PANK1: variants seen among roughly 807,000 people sequenced by gnomAD.
The protein encoded by PANK1 is pantothenate kinase 1.
Under a neutral mutation model 40.1 loss-of-function variants are expected in PANK1, and 18 were observed. That is an observed-to-expected ratio of 0.45 (90% CI 0.31 to 0.67). The LOEUF is 0.67. Ranked by LOEUF, PANK1 falls within the 30% of genes least tolerant of loss-of-function variation. PANK1 has a pLI of 0.06. For missense variants in PANK1, 457 were observed against 599.6 expected (o/e 0.76, Z 2.48); for synonymous variants, 242 against 237.7 (o/e 1.02, Z -0.17).
intron 1 of PANK1, among the ~76,000 whole-genome samples, chr10:89,618,972 A>AT (rs1475432370): frequency 6.6e-6 from 1 of 152,240 alleles, no homozygotes; most frequent in African/African-American, 2.4e-5. Context: ...GCCTATGCTG[A>AT]CTAATATACC....
chr10:89,610,475 A>C (rs1457787524), intron 2 of PANK1, among the ~76,000 whole-genome samples: 4 of 150,186 alleles, frequency 2.7e-5, no homozygotes, highest in Admixed American at 6.6e-5. Flanking sequence ...AAAAAAAAAA[A>C]CAAAAACTGA....
In PANK1 at chr10:89,631,971, TGTG is replaced by T. The variant is rs1442260440; in HGVS notation, c.292+12626_292+12628del. ...AAATAACAGATTGTGTGTGTGTGTG[TGTG>T]TGTTTTTTTTTTTAAAAAGGGTTCT... On this transcript the variant is annotated intron_variant, in intron 1 of 6. Coordinates refer to ENST00000307534, the MANE Select transcript of PANK1 (RefSeq NM_148977.3). 1.2e-3 allele frequency among the ~76,000 whole-genome samples: 96 copies of T among 82,828 alleles called. 1 individual carries two copies. Among genetic ancestry groups the T allele is most frequent in the Middle Eastern group, 4.4e-3 (1 of 226 alleles). The allele number at this position is 82,828 out of a possible 152,430, so 54.3% of individuals were successfully genotyped here.
intron 1 of PANK1, among the ~76,000 whole-genome samples, chr10:89,635,915 G>A (rs776507632): frequency 1.3e-4 from 20 of 152,226 alleles, no homozygotes; most frequent in Non-Finnish European, 2.6e-4. Context: ...TAAGGCTCCA[G>A]AGTAATCTTC....
At chr10:89,633,407 G>C (rs1037564316) in intron 1 of PANK1, among the ~76,000 whole-genome samples, 1 of 152,018 alleles carries the variant, frequency 6.6e-6, no homozygotes, top group Non-Finnish European at 1.5e-5. Flanking sequence ...CTTTCTCAAA[G>C]TAAAAACCTT....
chr10:89,627,168 A>G (rs1845682193), intron 1 of PANK1, among the ~76,000 whole-genome samples: 1 of 151,934 alleles, frequency 6.6e-6, no homozygotes, highest in Non-Finnish European at 1.5e-5. Context: ...GACCAACTAC[A>G]GTCACTCCTT....
Position 89,644,955 on chromosome 10 carries a change from C to T in PANK1, c.-64G>A, listed in dbSNP as rs1412983522. ...GGCGGCCTCGCTGGAGGTCATTCTCCGGCGTCTTTATTTCCCCGGATCCTC... is the reference window on the plus strand; with the variant it reads ...GGCGGCCTCGCTGGAGGTCATTCTCTGGCGTCTTTATTTCCCCGGATCCTC... On this transcript the variant is annotated 5_prime_UTR_variant, in exon 1 of 7. Transcript: ENST00000307534. 5 of 1,572,108 alleles carry T rather than the reference C, an allele frequency of 3.2e-6. No individual in the cohort carries two copies. Among genetic ancestry groups the T allele is most frequent in the African/African-American group, 2.8e-5 (2 of 71,064 alleles).
chr10:89,623,197 T>G (rs903335996), intron 1 of PANK1, among the ~76,000 whole-genome samples: 1 of 152,144 alleles, frequency 6.6e-6, no homozygotes, highest in Non-Finnish European at 1.5e-5. Flanking sequence ...CTGGCTTTTC[T>G]GACACTTTTC....
At chr10:89,582,103 A>T (rs534213852), downstream of PANK1, 1 of 152,342 alleles carries the variant, frequency 6.6e-6, no homozygotes, top group East Asian at 1.9e-4. Context: ...ATGTATGTAA[A>T]ACAATTATTT....
Position 89,644,899 on chromosome 10 carries a change from G to A in PANK1, c.-8C>T, listed in dbSNP as rs768951025. On this transcript the variant is annotated 5_prime_UTR_variant, in exon 1 of 7. Coordinates refer to ENST00000307534, the MANE Select transcript of PANK1 (RefSeq NM_148977.3). ...CCCGCTGCGGTCGCCCATGCCGGGG[G>A]CTGGCGGGGCTGTGCGCGGGCCCCG... The A allele has an allele frequency of 2.4e-4, 369 of 1,520,722 alleles. No individual in the cohort carries two copies. Among genetic ancestry groups the A allele is most frequent in the Middle Eastern group, 6.4e-4 (3 of 4,724 alleles). 94.2% of individuals were successfully genotyped at this position (1,520,722 alleles called of 1,614,324 possible).
At chr10:89,631,978 T>TGTG (rs1841665193) in intron 1 of PANK1, among the ~76,000 whole-genome samples, 1 of 116,628 alleles carries the variant, frequency 8.6e-6, no homozygotes, top group African/African-American at 2.8e-5. Context: ...GTGTGTGTGT[T>TGTG]TTTTTTTTTA....
At chr10:89,606,861 C>G (rs1048538923) in intron 2 of PANK1, among the ~76,000 whole-genome samples, 1 of 152,216 alleles carries the variant, frequency 6.6e-6, no homozygotes, top group Non-Finnish European at 1.5e-5. Flanking sequence ...CCTCCCCTCT[C>G]TCAGACTCTA....
intron 2 of PANK1, among the ~76,000 whole-genome samples, chr10:89,610,476 C>T (rs995244098): frequency 6.8e-6 from 1 of 147,502 alleles, no homozygotes; most frequent in Admixed American, 6.8e-5. Flanking sequence ...AAAAAAAAAA[C>T]AAAAACTGAA....
rs777142272 is a variant in PANK1, at chr10:89,594,005, G to A, written c.900-16C>T. The A allele has an allele frequency of 4.4e-6, 7 of 1,589,678 alleles. No homozygotes were observed. The Admixed American group carries it at 1.0e-4, about 23-fold the overall frequency. ...ACCTCCAAGACTGAAGGAATAATAA[G>A]GTTTATTTTTAAATTTTACTTTAAG... is the stretch of plus-strand genomic sequence containing the variant. On this transcript the variant is annotated splice_polypyrimidine_tract_variant and intron_variant, in intron 3 of 6. Transcript: ENST00000307534.
Position 89,617,463 on chromosome 10 carries a change from A to G in PANK1, c.293-5415T>C, listed in dbSNP as rs150580461. On this transcript the variant is annotated intron_variant, in intron 1 of 6. Coordinates refer to ENST00000307534, the MANE Select transcript of PANK1 (RefSeq NM_148977.3). ...TGCATTTTAAAAGGTGTAATGAAAA[A>G]AGAGAGAGATGAGCTCTCTCTGGTT... 5.4e-3 allele frequency among the ~76,000 whole-genome samples: 827 copies of G among 152,308 alleles called. 9 individuals carry two copies. Among genetic ancestry groups the G allele is most frequent in the African/African-American group, 0.017 (708 of 41,550 alleles).
At chr10:89,592,847 C>G (rs756866014) in intron 5 of PANK1, 3 of 542,834 alleles carry the variant, frequency 5.5e-6, no homozygotes, top group African/African-American at 1.9e-5. Flanking sequence ...TATTGCAAGT[C>G]GAGCATTTTA....
chr10:89,644,271 C>CA (rs1220740799), intron 1 of PANK1, among the ~76,000 whole-genome samples: 1 of 152,204 alleles, frequency 6.6e-6, no homozygotes, highest in Non-Finnish European at 1.5e-5. Flanking sequence ...CAAATGTTCA[C>CA]ACACCTGCGT....
Position 89,593,305 on chromosome 10 carries a change from C to T in PANK1, c.1092G>A (p.Met364Ile), listed in dbSNP as rs1297210275. Residue 364 changes from methionine to isoleucine, a missense_variant, in exon 5 of 7, where the codon ATG becomes ATA. By Grantham distance (10) the Met-to-Ile change is conservative. Transcript: ENST00000307534. ...TGATGGAATCTCGCTTTTCTTTACTCATCATGTTGCCAAAGCTATGTTGGA... is the reference window on the plus strand; with the variant it reads ...TGATGGAATCTCGCTTTTCTTTACTTATCATGTTGCCAAAGCTATGTTGGA... ...SAVASSFGNM[M>I]SKEKRDSISK... is the part of the protein sequence containing the mutation. The T allele has an allele frequency of 6.2e-7, 1 of 1,613,684 alleles. No homozygotes were observed. Among genetic ancestry groups the T allele is most frequent in the Non-Finnish European group, 8.5e-7 (1 of 1,179,758 alleles).
At chr10:89,625,215 A>C (rs1453129065) in intron 1 of PANK1, among the ~76,000 whole-genome samples, 2 of 152,306 alleles carry the variant, frequency 1.3e-5, no homozygotes, top group East Asian at 3.9e-4. Flanking sequence ...CTATGTTTTA[A>C]AAGTGAGAAA....
intron 2 of PANK1, among the ~76,000 whole-genome samples, chr10:89,606,285 T>C (rs7924150): frequency 0.076 from 11,574 of 152,272 alleles, 548 homozygotes; most frequent in South Asian, 0.13. Flanking sequence ...TTGACTTCTG[T>C]TCTGTACTAT....
Sources: gnomAD v4.1 joint callset for allele counts (sites outside exome capture counted in the v4.1 genomes callset) on GRCh38, gnomAD v4.1.1 for gene constraint, MANE v1.5 for transcripts, NCBI Gene and HGNC (gene_info 2026-07-23, HGNC 2026-07-21) for gene names.